The following LRP1B variants were observed in gnomAD, a reference collection of about 807,000 sequenced individuals.
LRP1B encodes the protein LDL receptor related protein 1B.
In LRP1B, 217 loss-of-function variants were observed where a neutral mutation model predicts 556.6. The observed-to-expected ratio is 0.39, with a 90% CI of 0.35 to 0.44. The LOEUF is 0.44. LRP1B is among the 20% of genes least tolerant of loss of function. The pLI is 1.00. For missense variants in LRP1B, 5,053 were observed against 5,620.8 expected, an observed-to-expected ratio of 0.90 and a Z score of 3.23; for synonymous variants, 2,047 against 1,865.8, an observed-to-expected ratio of 1.10 and a Z score of -2.50.
At chr2:141,438,123 C>T (rs1024469654) in intron 3 of LRP1B, among the ~76,000 whole-genome samples, 1 of 152,074 alleles carries the variant, frequency 6.6e-6, no homozygotes, top group African/African-American at 2.4e-5. Flanking sequence ...TAATAATGAG[C>T]TAGGCATCTT....
At chr2:142,096,905 T>C (rs1706392361) in intron 1 of LRP1B, among the ~76,000 whole-genome samples, 2 of 151,492 alleles carry the variant, frequency 1.3e-5, no homozygotes, top group African/African-American at 4.8e-5. Flanking sequence ...CCAGTTTCTA[T>C]TGTTGACATC....
chr2:140,957,293 G>A (rs1342937536), intron 18 of LRP1B, among the ~76,000 whole-genome samples: 3 of 151,612 alleles, frequency 2.0e-5, no homozygotes, highest in Non-Finnish European at 3.0e-5. Flanking sequence ...TCCAAAGAAA[G>A]AGACAGATTC....
At chr2:140,875,296 A>G (rs1374790162) in intron 25 of LRP1B, among the ~76,000 whole-genome samples, 1 of 152,204 alleles carries the variant, frequency 6.6e-6, no homozygotes, top group Non-Finnish European at 1.5e-5. Flanking sequence ...ATGCAAGACC[A>G]GTATATGGGC....
intron 41 of LRP1B, among the ~76,000 whole-genome samples, chr2:140,621,606 A>T (rs1449900462): frequency 6.6e-6 from 1 of 152,156 alleles, no homozygotes. Flanking sequence ...AAATGTAGGG[A>T]GCATTAATAC....
intron 2 of LRP1B, among the ~76,000 whole-genome samples, chr2:141,569,346 G>T (rs150375432): frequency 2.7e-5 from 4 of 150,918 alleles, no homozygotes; most frequent in African/African-American, 7.2e-5. Context: ...AAAAAAAAGG[G>T]CATTTTCAGA....
At chr2:140,950,485 T>A (rs1316062250) in intron 19 of LRP1B, 83 bp from the exon 20 acceptor site, 2 of 1,165,008 alleles carry the variant, frequency 1.7e-6, no homozygotes, top group Non-Finnish European at 2.4e-6. Flanking sequence ...TGGTTTCTGT[T>A]GTTGTTGTTG....
intron 41 of LRP1B, among the ~76,000 whole-genome samples, chr2:140,687,240 G>T (rs1364190343): frequency 6.6e-6 from 1 of 152,136 alleles, no homozygotes; most frequent in Non-Finnish European, 1.5e-5. Flanking sequence ...TGTAGTTACA[G>T]GAGGGAATGG....
intron 1 of LRP1B, among the ~76,000 whole-genome samples, chr2:142,074,738 T>C (rs1705439023): frequency 6.6e-6 from 1 of 152,076 alleles, no homozygotes; most frequent in South Asian, 2.1e-4. Flanking sequence ...ACTATCTATA[T>C]ATTCAGTAAG....
At chr2:140,931,935 T>C (rs891456442) in intron 20 of LRP1B, among the ~76,000 whole-genome samples, 1 of 152,176 alleles carries the variant, frequency 6.6e-6, no homozygotes, top group African/African-American at 2.4e-5. Context: ...AGTTATCAAA[T>C]ATTAAGTAAA....
At chr2:142,011,030 C>T (rs1176758156) in intron 1 of LRP1B, among the ~76,000 whole-genome samples, 3 of 152,154 alleles carry the variant, frequency 2.0e-5, no homozygotes, top group Non-Finnish European at 2.9e-5. Flanking sequence ...TCTAGTGAGG[C>T]TTTAACAATT....
At chr2:141,424,059 TGATA>T (rs1259227254) in intron 3 of LRP1B, among the ~76,000 whole-genome samples, 2 of 151,898 alleles carry the variant, frequency 1.3e-5, no homozygotes, top group Admixed American at 6.6e-5. Context: ...TCCAATGGAT[TGATA>T]ATCATTCAAG....
At chr2:141,857,302 T>C (rs1436502521) in intron 1 of LRP1B, among the ~76,000 whole-genome samples, 1 of 152,094 alleles carries the variant, frequency 6.6e-6, no homozygotes, top group Non-Finnish European at 1.5e-5. Flanking sequence ...AGTTGATTCC[T>C]AGCTTTCATT....
intron 2 of LRP1B, among the ~76,000 whole-genome samples, chr2:141,555,031 T>C (rs948548914): frequency 1.3e-5 from 2 of 151,940 alleles, no homozygotes; most frequent in African/African-American, 4.8e-5. Context: ...AATGAAGACA[T>C]AAAGTCCCAA....
intron 87 of LRP1B, among the ~76,000 whole-genome samples, chr2:140,245,410 A>G (rs1364576430): frequency 6.6e-6 from 1 of 151,450 alleles, no homozygotes; most frequent in African/African-American, 2.4e-5. Flanking sequence ...CAAATTTCAT[A>G]CACAGTCTAT....
intron 2 of LRP1B, among the ~76,000 whole-genome samples, chr2:141,794,264 T>C (rs150080222): frequency 0.013 from 1,961 of 151,754 alleles, 21 homozygotes; most frequent in South Asian, 0.048. Context: ...ATTTTTGCAG[T>C]AAGTAAACAG....
chr2:140,730,603 A>G (rs1465849284), intron 35 of LRP1B, among the ~76,000 whole-genome samples: 2 of 152,188 alleles, frequency 1.3e-5, no homozygotes, highest in African/African-American at 4.8e-5. Context: ...TCAGTCACCC[A>G]GGCTGGAGTT....
chr2:140,281,621 T>C (rs1357508392), intron 84 of LRP1B, among the ~76,000 whole-genome samples: 1 of 151,874 alleles, frequency 6.6e-6, no homozygotes, highest in East Asian at 1.9e-4. Context: ...AAAATAAATT[T>C]TGTGAAATGG....
chr2:142,111,347 A>G (rs1706982769), intron 1 of LRP1B, among the ~76,000 whole-genome samples: 1 of 152,076 alleles, frequency 6.6e-6, no homozygotes, highest in African/African-American at 2.4e-5. Flanking sequence ...GAGGACAAGC[A>G]GACTGACTTT....
intron 3 of LRP1B, among the ~76,000 whole-genome samples, chr2:141,462,015 C>T (rs939884019): frequency 6.6e-6 from 1 of 152,214 alleles, no homozygotes; most frequent in Non-Finnish European, 1.5e-5. Context: ...TGCCTTTTGG[C>T]TGTTAACTTC....
Sources: allele counts gnomAD v4.1 joint callset (sites outside exome capture counted in the v4.1 genomes callset), GRCh38; gene constraint gnomAD v4.1.1; transcripts MANE v1.5; gene names NCBI Gene and HGNC (gene_info 2026-07-23, HGNC 2026-07-21).